The following MAN2B2 variants were observed in gnomAD, a reference collection of about 807,000 sequenced individuals.
MAN2B2 encodes mannosidase alpha class 2B member 2.
Under a neutral mutation model 117.1 loss-of-function variants are expected in MAN2B2, and 106 were observed. That is an observed-to-expected ratio of 0.90 (90% CI 0.77 to 1.06). MAN2B2 has a LOEUF of 1.06. Among genes scored for constraint, MAN2B2 ranks in the 50% least tolerant of loss-of-function variants. MAN2B2 has a pLI of 0.00. For missense variants in MAN2B2, 1,326 were observed against 1,381.4 expected (o/e 0.96, Z 0.64); for synonymous variants, 544 against 595.1 (o/e 0.91, Z 1.25).
intron 3 of MAN2B2, among the ~76,000 whole-genome samples, chr4:6,579,242 ACCC>A (rs1726280392): frequency 6.6e-5 from 1 of 15,122 alleles, no homozygotes. Flanking sequence ...CACCACCACC[ACCC>A]TTCACCACCA....
Position 6,587,064 on chromosome 4 carries a change from G to A in MAN2B2, c.460G>A (p.Gly154Ser), listed in dbSNP as rs765625856. 3 of 1,613,956 alleles carry A rather than the reference G, an allele frequency of 1.9e-6. No individual in the cohort carries two copies. The highest frequency in any genetic ancestry group is 2.5e-6 in the Non-Finnish European group (3 of 1,180,020). ...GTTCTCCTGGCACGTTGACCCGTTT[G>A]GCGCCTCTGCCACGACGCCCACCCT... is the stretch of plus-strand genomic sequence containing the variant. ...PQFSWHVDPFGASATTPTLFA... is the reference protein window; with the variant it reads ...PQFSWHVDPFSASATTPTLFA... The change falls in exon 4 of 19, where the codon GGC becomes AGC. Residue 154 changes from glycine to serine, a missense_variant. Transcript: ENST00000285599.
chr4:6,620,171 A>C, intron 18 of MAN2B2, 127 bp downstream of exon 18: 2 of 736,420 alleles, frequency 2.7e-6, no homozygotes, highest in Admixed American at 2.8e-5. Context: ...CTGCTTTCCT[A>C]CTCTGAACCC....
At chr4:6,580,570 C>T (rs530643968) in intron 3 of MAN2B2, among the ~76,000 whole-genome samples, 15 of 152,322 alleles carry the variant, frequency 9.8e-5, no homozygotes, top group African/African-American at 3.4e-4. Context: ...AGTGCTCCCC[C>T]TCATTCTCCA....
chr4:6,582,623 A>T (rs988451055), intron 3 of MAN2B2, among the ~76,000 whole-genome samples: 4 of 151,966 alleles, frequency 2.6e-5, no homozygotes, highest in Non-Finnish European at 5.9e-5. Context: ...TACAGACCTG[A>T]GCCACCAAGC....
intron 15 of MAN2B2, among the ~76,000 whole-genome samples, chr4:6,613,251 A>G (rs1217486008): frequency 2.0e-5 from 3 of 152,162 alleles, no homozygotes; most frequent in East Asian, 1.9e-4. Flanking sequence ...AGACCAGTAG[A>G]TGACAAAACA....
chr4:6,620,879 T>C lies in MAN2B2; in HGVS notation c.2933-309T>C, dbSNP rs146064306. On this transcript the variant is annotated intron_variant, in intron 18 of 18. Transcript: ENST00000285599. Reference sequence around the variant, plus strand: ...CTTTGAGGGCAACACCCATGAGGAATTGAGGCCACTAGGGCCAGGACCAAC... The same window carrying C: ...CTTTGAGGGCAACACCCATGAGGAACTGAGGCCACTAGGGCCAGGACCAAC... 456 of 317,312 alleles carry C rather than the reference T, an allele frequency of 1.4e-3. 1 individual carries two copies. Among genetic ancestry groups the C allele is most frequent in the African/African-American group, 7.8e-3 (367 of 46,996 alleles). 19.7% of individuals were successfully genotyped at this position (317,312 alleles called of 1,614,324 possible). A position where few individuals can be genotyped will look rare whatever the true frequency, so the allele number is the denominator to read the frequency against.
intron 16 of MAN2B2, 61 bp downstream of exon 16, chr4:6,614,416 C>T (rs546854008): frequency 7.4e-5 from 117 of 1,582,732 alleles, no homozygotes; most frequent in South Asian, 3.7e-4. Flanking sequence ...AACAGGCCAC[C>T]GGGCCCACCA....
At chr4:6,617,584 G>C in intron 17 of MAN2B2, 92 bp downstream of exon 17, 1 of 1,559,942 alleles carries the variant, frequency 6.4e-7, no homozygotes, top group South Asian at 1.2e-5. Flanking sequence ...AGATCCACGA[G>C]GGCTTCCTCC....
intron 4 of MAN2B2, among the ~76,000 whole-genome samples, chr4:6,588,415 T>C (rs1325290260): frequency 3.3e-5 from 5 of 152,206 alleles, no homozygotes; most frequent in Admixed American, 2.6e-4. Flanking sequence ...TTTAACTTGA[T>C]TACTTCTGTA....
intron 7 of MAN2B2, among the ~76,000 whole-genome samples, chr4:6,596,833 T>A (rs1011915424): frequency 7.2e-5 from 11 of 152,116 alleles, no homozygotes; most frequent in African/African-American, 2.7e-4. Flanking sequence ...CCGATCAGGA[T>A]CCTTCAGCAC....
At chr4:6,594,910 C>G (rs112569109) in intron 7 of MAN2B2, among the ~76,000 whole-genome samples, 178 bp downstream of exon 7, 4 of 152,194 alleles carry the variant, frequency 2.6e-5, no homozygotes, top group Admixed American at 1.3e-4. Context: ...TCCACCTGGA[C>G]GTCCTGGCCA....
intron 8 of MAN2B2, among the ~76,000 whole-genome samples, chr4:6,597,776 G>A (rs916908744): frequency 2.6e-5 from 4 of 152,136 alleles, no homozygotes; most frequent in Non-Finnish European, 5.9e-5. Context: ...ATGAGTTTCC[G>A]TCTCCACCCA....
rs1553804686 is a variant in MAN2B2 at position 6,622,453 on chromosome 4, T to TC, written c.*1171dup. ...CAATTTTAAAACTTTTTTTTTTTTT[T>TC]CCCGAGACAGAGTCTCACTCTGTCG... On this transcript the variant is annotated 3_prime_UTR_variant, in exon 19 of 19. Coordinates refer to ENST00000285599, the MANE Select transcript of MAN2B2 (RefSeq NM_015274.3). 50 of 151,160 alleles carry TC rather than the reference T, an allele frequency of 3.3e-4. No homozygotes were observed. The highest frequency in any genetic ancestry group is 2.2e-3 in the Admixed American group (34 of 15,196). The allele number at this position is 151,160 out of a possible 1,614,324, so 9.4% of individuals were successfully genotyped here. A position where few individuals can be genotyped will look rare whatever the true frequency, so the allele number is the denominator to read the frequency against.
At chr4:6,609,603 C>T (rs913668211) in intron 12 of MAN2B2, 195 bp from the exon 13 acceptor site, 16 of 680,306 alleles carry the variant, frequency 2.4e-5, no homozygotes, top group East Asian at 8.0e-5. Flanking sequence ...GGCAGCCCTG[C>T]GGTGTCGGGG....
intron 11 of MAN2B2, 133 bp downstream of exon 11, chr4:6,605,462 A>C: frequency 9.8e-7 from 1 of 1,023,288 alleles, no homozygotes; most frequent in Non-Finnish European, 1.4e-6. Context: ...CCTTCCTGCT[A>C]TTGTGATCTT....
chr4:6,618,846 A>T (rs1302126621), intron 17 of MAN2B2: 1 of 152,172 alleles, frequency 6.6e-6, no homozygotes, highest in Admixed American at 6.5e-5. Context: ...TTACTGGGCC[A>T]CCCACCTCCT....
chr4:6,620,239 T>A, intron 18 of MAN2B2, 195 bp downstream of exon 18: 1 of 543,998 alleles, frequency 1.8e-6, no homozygotes, highest in East Asian at 3.2e-5. Flanking sequence ...AGTCTCTGCC[T>A]GCCAGGGCTC....
At chr4:6,602,670 C>CT (rs71646652) in intron 10 of MAN2B2, among the ~76,000 whole-genome samples, 14,042 of 138,376 alleles carry the variant, frequency 0.1, 790 homozygotes, top group East Asian at 0.17. Flanking sequence ...GTCAGTTTTC[C>CT]TTTTTTTTTT....
intron 15 of MAN2B2, among the ~76,000 whole-genome samples, chr4:6,613,389 G>A (rs772351192): frequency 5.3e-5 from 8 of 152,084 alleles, no homozygotes; most frequent in African/African-American, 1.9e-4. Flanking sequence ...AGGAGTTTAA[G>A]ACTAGCCTGT....
Sources: allele counts gnomAD v4.1 joint callset (sites outside exome capture counted in the v4.1 genomes callset), GRCh38; gene constraint gnomAD v4.1.1; transcripts MANE v1.5; gene names NCBI Gene and HGNC (gene_info 2026-07-23, HGNC 2026-07-21).